Variants in CCSER1 observed in about 807,000 individuals in gnomAD.
CCSER1 encodes serine-rich coiled-coil domain-containing protein 1.
In CCSER1, 41 loss-of-function variants were observed where a neutral mutation model predicts 82.0. The observed-to-expected ratio is 0.50, with a 90% confidence interval of 0.39 to 0.65. CCSER1 has a LOEUF of 0.65. Ranked by LOEUF, CCSER1 falls within the 30% of genes least tolerant of loss-of-function variation. The pLI, the probability that CCSER1 is intolerant of heterozygous loss-of-function variation, is 0.00. For missense variants in CCSER1, 1,119 were observed against 1,064.2 expected, an observed-to-expected ratio of 1.05 and a Z score of -0.72; for synonymous variants, 414 against 383.9, an observed-to-expected ratio of 1.08 and a Z score of -0.92.
intron 10 of CCSER1, among the ~76,000 whole-genome samples, chr4:91,551,129 AG>A (rs1762137951): frequency 2.0e-5 from 3 of 152,106 alleles, no homozygotes; most frequent in Admixed American, 2.0e-4. Context: ...CTATATATTT[AG>A]GGAAGCAATA....
chr4:90,846,017 G>T (rs904237624), intron 8 of CCSER1, among the ~76,000 whole-genome samples: 1 of 151,960 alleles, frequency 6.6e-6, no homozygotes, highest in Non-Finnish European at 1.5e-5. Context: ...AAAAAATGAA[G>T]GAAAGTAGCT....
At chr4:90,501,022 T>G (rs747806614) in intron 5 of CCSER1, among the ~76,000 whole-genome samples, 1 of 152,080 alleles carries the variant, frequency 6.6e-6, no homozygotes, top group Non-Finnish European at 1.5e-5. Flanking sequence ...CAAACAAGTA[T>G]AGTCTAACTT....
chr4:90,241,076 A>C (rs2153434391), intron 1 of CCSER1, among the ~76,000 whole-genome samples: 1 of 152,340 alleles, frequency 6.6e-6, no homozygotes, highest in African/African-American at 2.4e-5. Flanking sequence ...CACTAGTAAT[A>C]GCACATAGTT....
At chr4:91,541,766 T>A (rs1761612311) in intron 10 of CCSER1, among the ~76,000 whole-genome samples, 1 of 152,180 alleles carries the variant, frequency 6.6e-6, no homozygotes. Flanking sequence ...TTGGGTCAAA[T>A]GGTATTTCTA....
At chr4:90,757,042 T>TA (rs1227789470) in intron 7 of CCSER1, among the ~76,000 whole-genome samples, 1 of 152,208 alleles carries the variant, frequency 6.6e-6, no homozygotes, top group Non-Finnish European at 1.5e-5. Flanking sequence ...TCCCTCATCA[T>TA]AAAAAATTAT....
chr4:90,567,907 A>G (rs1292190762), intron 5 of CCSER1, among the ~76,000 whole-genome samples: 1 of 152,098 alleles, frequency 6.6e-6, no homozygotes, highest in African/African-American at 2.4e-5. Context: ...ATTCCCCCCA[A>G]CCTGATGAAA....
chr4:90,447,916 A>G (rs923822334), intron 4 of CCSER1, among the ~76,000 whole-genome samples: 6 of 152,302 alleles, frequency 3.9e-5, no homozygotes, highest in Non-Finnish European at 8.8e-5. Flanking sequence ...AAAATATTAT[A>G]GAGTTAATTT....
intron 10 of CCSER1, among the ~76,000 whole-genome samples, chr4:91,226,716 TTCTC>T (rs1306548907): frequency 6.6e-5 from 10 of 151,870 alleles, no homozygotes; most frequent in East Asian, 1.9e-4. Flanking sequence ...ATTTGTCTCT[TTCTC>T]TTTTTCTTAG....
chr4:90,823,078 A>C (rs1337064654), intron 8 of CCSER1, among the ~76,000 whole-genome samples: 1 of 152,196 alleles, frequency 6.6e-6, no homozygotes, highest in African/African-American at 2.4e-5. Flanking sequence ...AAGGGAATAC[A>C]TTGACTGTAG....
At chr4:90,166,697 CA>C (rs1257484335) in intron 1 of CCSER1, among the ~76,000 whole-genome samples, 1 of 151,778 alleles carries the variant, frequency 6.6e-6, no homozygotes. Flanking sequence ...AGATCTAAGG[CA>C]AAAATACCAA....
chr4:90,510,809 A>C (rs1391706434), intron 5 of CCSER1, among the ~76,000 whole-genome samples: 1 of 152,200 alleles, frequency 6.6e-6, no homozygotes, highest in Non-Finnish European at 1.5e-5. Context: ...CCAGCAGTAG[A>C]AAAAGACTCT....
At chr4:91,079,898 A>C (rs777240158) in intron 9 of CCSER1, among the ~76,000 whole-genome samples, 1 of 152,236 alleles carries the variant, frequency 6.6e-6, no homozygotes, top group Non-Finnish European at 1.5e-5. Flanking sequence ...CCAATACAGG[A>C]GCACCCAGAT....
chr4:91,453,937 A>G (rs1756002481), intron 10 of CCSER1, among the ~76,000 whole-genome samples: 1 of 152,062 alleles, frequency 6.6e-6, no homozygotes, highest in African/African-American at 2.4e-5. Flanking sequence ...CTTTGTGTCT[A>G]GTATTGTAAT....
chr4:90,239,914 G>C (rs956026509), intron 1 of CCSER1, among the ~76,000 whole-genome samples: 1 of 152,110 alleles, frequency 6.6e-6, no homozygotes, highest in African/African-American at 2.4e-5. Flanking sequence ...CCACATAGTA[G>C]GTTAAACTAG....
At chr4:91,071,282 A>C (rs1721403334) in intron 9 of CCSER1, among the ~76,000 whole-genome samples, 1 of 152,206 alleles carries the variant, frequency 6.6e-6, no homozygotes, top group South Asian at 2.1e-4. Flanking sequence ...ATAATAATAA[A>C]TTTATACAGT....
At position 91,311,386 on chromosome 4, in the gene CCSER1, A is replaced by G. The variant is rs771463782; in HGVS notation, c.2217+225392A>G. On this transcript the variant is annotated intron_variant, in intron 10 of 10. Coordinates refer to ENST00000509176, the MANE Select transcript of CCSER1 (RefSeq NM_001145065.2). ...GTTTTTCTCCTGCCAGAAAAGTACT[A>G]GAGACTTTTTGTTTTTGTTGCTAAA... Among the ~76,000 whole-genome samples, 16 of 152,052 alleles carry G rather than the reference A, an allele frequency of 1.1e-4. No homozygotes were observed. The Middle Eastern group carries it at 0.01, about 97-fold the overall frequency.
At chr4:91,464,006 C>A (rs772945677) in intron 10 of CCSER1, among the ~76,000 whole-genome samples, 34 of 152,066 alleles carry the variant, frequency 2.2e-4, no homozygotes, top group Non-Finnish European at 2.6e-4. Context: ...ACAGAGAATG[C>A]CACAAAGATA....
chr4:90,794,768 A>C (rs1201364326), intron 7 of CCSER1, among the ~76,000 whole-genome samples: 2 of 152,204 alleles, frequency 1.3e-5, no homozygotes, highest in East Asian at 3.8e-4. Flanking sequence ...CACTATGGCT[A>C]TTTTAATGAT....
intron 3 of CCSER1, among the ~76,000 whole-genome samples, chr4:90,341,514 C>G (rs1182764672): frequency 2.0e-5 from 3 of 151,740 alleles, no homozygotes; most frequent in African/African-American, 7.3e-5. Context: ...TTACATTATC[C>G]CCAAATACTC....
Sources: allele counts gnomAD v4.1 joint callset (sites outside exome capture counted in the v4.1 genomes callset), GRCh38; gene constraint gnomAD v4.1.1; transcripts MANE v1.5; gene names NCBI Gene and HGNC (gene_info 2026-07-23, HGNC 2026-07-21).